The following DNMBP variants were observed in gnomAD, a reference collection of about 807,000 sequenced individuals.
DNMBP encodes dynamin binding protein.
Under a neutral mutation model 150.0 loss-of-function variants are expected in DNMBP, and 87 were observed. That is an observed-to-expected ratio of 0.58 (90% CI 0.49 to 0.69). The LOEUF is 0.69. Among genes scored for constraint, DNMBP ranks in the 30% least tolerant of loss-of-function variants. DNMBP has a pLI of 0.00. For missense variants in DNMBP, 1,774 were observed against 1,949.0 expected (o/e 0.91, Z 1.69); for synonymous variants, 711 against 750.4 (o/e 0.95, Z 0.86).
At chr10:99,917,143 G>C (rs925757341) in intron 4 of DNMBP, among the ~76,000 whole-genome samples, 1 of 152,196 alleles carries the variant, frequency 6.6e-6, no homozygotes, top group Non-Finnish European at 1.5e-5. Flanking sequence ...GATCACCCGA[G>C]GTCAGGAGTT....
intron 3 of DNMBP, among the ~76,000 whole-genome samples, chr10:99,959,670 TAGTG>T (rs1436908256): frequency 6.6e-6 from 1 of 151,014 alleles, no homozygotes; most frequent in Admixed American, 6.6e-5. Flanking sequence ...CTGGGCAACA[TAGTG>T]AGACCGCGTC....
At chr10:99,969,014 A>C (rs1300762999) in intron 3 of DNMBP, 101 bp downstream of exon 3, 8 of 1,398,068 alleles carry the variant, frequency 5.7e-6, no homozygotes, top group Admixed American at 1.8e-5. Flanking sequence ...GACTCTCTAG[A>C]GGTTAAGCCA....
chr10:99,916,220 T>C (rs2039963424), intron 4 of DNMBP, among the ~76,000 whole-genome samples: 1 of 152,228 alleles, frequency 6.6e-6, no homozygotes, highest in South Asian at 2.1e-4. Context: ...CCTAGCACTT[T>C]TGGAAGCCAA....
At chr10:99,917,762 G>A (rs930623903) in intron 4 of DNMBP, among the ~76,000 whole-genome samples, 3 of 151,688 alleles carry the variant, frequency 2.0e-5, no homozygotes, top group East Asian at 2.0e-4. Flanking sequence ...TCAGGAGTTC[G>A]AGACCAGCCT....
At chr10:99,922,289 C>A (rs1056370359) in intron 4 of DNMBP, among the ~76,000 whole-genome samples, 4 of 152,048 alleles carry the variant, frequency 2.6e-5, no homozygotes, top group Non-Finnish European at 5.9e-5. Flanking sequence ...TCCCACTGTA[C>A]CCCTTAACAC....
intron 4 of DNMBP, among the ~76,000 whole-genome samples, chr10:99,942,844 G>A (rs912211776): frequency 1.1e-4 from 16 of 152,168 alleles, no homozygotes; most frequent in African/African-American, 3.9e-4. Flanking sequence ...AAATCCTTTA[G>A]AAGTAACTCT....
At position 99,907,447 on chromosome 10, in the gene DNMBP, G is replaced by A. The variant is rs148187979; in HGVS notation, c.2554+548C>T. Among the ~76,000 whole-genome samples, 485 of 151,770 alleles carry A rather than the reference G, an allele frequency of 3.2e-3. 1 individual carries two copies. The highest frequency in any genetic ancestry group is 5.3e-3 in the Non-Finnish European group (362 of 67,914). On this transcript the variant is annotated intron_variant, in intron 6 of 16. Transcript: ENST00000324109. The stretch of plus-strand genomic sequence containing the variant: ...GTCTTGCTCTGTACCCCAGGCAGTG[G>A]TGTAGTGGCTCGTGGCGCGATTTCA...
At chr10:99,929,555 C>T in intron 4 of DNMBP, 3 of 609,656 alleles carry the variant, frequency 4.9e-6, no homozygotes, top group Non-Finnish European at 8.7e-6. Flanking sequence ...GGTATAACTA[C>T]CCTTTAAATC....
chr10:99,924,335 C>T (rs900860164), intron 4 of DNMBP, among the ~76,000 whole-genome samples: 7 of 152,048 alleles, frequency 4.6e-5, no homozygotes, highest in Non-Finnish European at 7.4e-5. Context: ...CCCAGCTACT[C>T]GGGAGGCTGA....
In DNMBP at chr10:99,894,271, A is replaced by G. The variant is rs562827167; in HGVS notation, c.3156+675T>C. On this transcript the variant is annotated intron_variant, in intron 11 of 16. Coordinates refer to ENST00000324109, the MANE Select transcript of DNMBP (RefSeq NM_015221.4). ...GGTGAGAGAAAGAGACTCTGTCTCT[A>G]AAAGATCAGAGGGACAGGAGTATCC... 4.6e-5 allele frequency among the ~76,000 whole-genome samples: 7 copies of G among 152,334 alleles called. No individual in the cohort carries two copies. The South Asian group carries it at 8.3e-4, about 18-fold the overall frequency.
At chr10:99,885,933 G>T (rs986478132) in intron 13 of DNMBP, 67 bp from the exon 14 acceptor site, 12 of 1,408,988 alleles carry the variant, frequency 8.5e-6, no homozygotes, top group Non-Finnish European at 1.0e-5. Context: ...CCAGAGAAAA[G>T]AAGAAAACAT....
chr10:100,005,394 TG>T (rs1564761533), intron 1 of DNMBP, among the ~76,000 whole-genome samples: 1 of 152,036 alleles, frequency 6.6e-6, no homozygotes, highest in East Asian at 1.9e-4. Flanking sequence ...GCAAACAGCA[TG>T]GGGTATAAAT....
intron 4 of DNMBP, among the ~76,000 whole-genome samples, chr10:99,911,906 A>G (rs2039904801): frequency 1.3e-5 from 2 of 152,188 alleles, no homozygotes; most frequent in South Asian, 2.1e-4. Context: ...CAGACTTTCA[A>G]TCCCAAATAT....
At chr10:99,947,405 T>C (rs1357189164) in intron 4 of DNMBP, among the ~76,000 whole-genome samples, 2 of 152,210 alleles carry the variant, frequency 1.3e-5, no homozygotes, top group African/African-American at 4.8e-5. Context: ...ATCATGTCCT[T>C]TGCAGCAACA....
In DNMBP at chr10:99,907,063, C is replaced by A. The variant is rs188756187; in HGVS notation, c.2554+932G>T. On this transcript the variant is annotated intron_variant, in intron 6 of 16. Transcript: ENST00000324109. ...TGGTGGCTCACACCTGTAATCCCAG[C>A]AATGTGGGAGGCCGAGGTGGGTAGA... Among the ~76,000 whole-genome samples the A allele has an allele frequency of 2.3e-3, 348 of 152,166 alleles. 1 individual carries two copies. The highest frequency in any genetic ancestry group is 7.1e-3 in the African/African-American group (293 of 41,506).
At chr10:99,897,873 AC>A (rs1273337198) in intron 9 of DNMBP, among the ~76,000 whole-genome samples, 1 of 152,230 alleles carries the variant, frequency 6.6e-6, no homozygotes, top group East Asian at 1.9e-4. Context: ...AGATAGCACC[AC>A]TGCACTCCAG....
At chr10:99,947,509 C>A (rs2040370958) in intron 4 of DNMBP, among the ~76,000 whole-genome samples, 1 of 144,534 alleles carries the variant, frequency 6.9e-6, no homozygotes, top group Non-Finnish European at 1.5e-5. Context: ...GAGCTACACA[C>A]TGGGTACACA....
At chr10:99,930,157 T>C (rs1316186198) in intron 4 of DNMBP, 2 of 702,998 alleles carry the variant, frequency 2.8e-6, no homozygotes, top group Non-Finnish European at 5.2e-6. Flanking sequence ...TGATATAAAT[T>C]GCTGTGTTCT....
At chr10:99,930,141 G>A (rs1432354920) in intron 4 of DNMBP, 7 of 702,920 alleles carry the variant, frequency 1.0e-5, no homozygotes, top group Non-Finnish European at 1.8e-5. Flanking sequence ...ATAACTCCCA[G>A]GAACATGATA....
Sources: gnomAD v4.1 joint callset for allele counts (sites outside exome capture counted in the v4.1 genomes callset) on GRCh38, gnomAD v4.1.1 for gene constraint, MANE v1.5 for transcripts, NCBI Gene and HGNC (gene_info 2026-07-23, HGNC 2026-07-21) for gene names.